MAPK10: variants seen among roughly 807,000 people sequenced by gnomAD.
MAPK10 encodes the protein JNK3 alpha protein kinase.
A neutral mutation model predicts 59.3 loss-of-function variants in MAPK10; 25 were observed. The ratio of observed to expected loss-of-function variants is 0.42; its 90% CI spans 0.31 to 0.59. The LOEUF (loss-of-function observed/expected upper bound fraction) is 0.59. Ranked by LOEUF, MAPK10 falls within the 20% of genes least tolerant of loss-of-function variation. MAPK10 has a pLI of 0.15. For synonymous variants in MAPK10, 190 were observed against 200.5 expected (o/e 0.95, Z 0.44); for missense variants, 351 against 568.9 (o/e 0.62, Z 3.90).
intron 4 of MAPK10, among the ~76,000 whole-genome samples, chr4:86,135,344 G>C (rs1050659500): frequency 2.6e-5 from 4 of 152,192 alleles, no homozygotes; most frequent in South Asian, 2.1e-4. Flanking sequence ...GATCTGAGAA[G>C]GGGCAGACTG....
At chr4:86,240,422 C>T (rs940492009) in intron 2 of MAPK10, among the ~76,000 whole-genome samples, 3 of 152,068 alleles carry the variant, frequency 2.0e-5, no homozygotes, top group Admixed American at 6.5e-5. Context: ...TCTGTCTCAT[C>T]GATCTGTCTA....
upstream of MAPK10, among the ~76,000 whole-genome samples, chr4:86,457,113 T>A (rs923544151): frequency 6.6e-6 from 1 of 152,170 alleles, no homozygotes; most frequent in African/African-American, 2.4e-5. Context: ...AGCATCCCTT[T>A]ATGATTAAAA....
chr4:86,097,137 CT>C (rs1376894683), intron 9 of MAPK10, among the ~76,000 whole-genome samples: 3 of 151,876 alleles, frequency 2.0e-5, no homozygotes, highest in African/African-American at 7.2e-5. Context: ...ATTTTACATG[CT>C]TTTAAAAATA....
At chr4:86,207,376 T>C (rs911308935) in intron 2 of MAPK10, among the ~76,000 whole-genome samples, 1 of 152,084 alleles carries the variant, frequency 6.6e-6, no homozygotes, top group Non-Finnish European at 1.5e-5. Context: ...GTGTTATTTC[T>C]GAGGGCTCTG....
chr4:86,191,221 G>A (rs2079672434), intron 3 of MAPK10, among the ~76,000 whole-genome samples: 1 of 152,156 alleles, frequency 6.6e-6, no homozygotes, highest in Non-Finnish European at 1.5e-5. Flanking sequence ...TGTATATTCT[G>A]CTGATTTGGG....
intron 2 of MAPK10, among the ~76,000 whole-genome samples, chr4:86,265,172 G>T (rs551743602): frequency 2.6e-4 from 40 of 152,092 alleles, no homozygotes; most frequent in Non-Finnish European, 4.7e-4. Context: ...TTTATATGGG[G>T]ATCCTGAGCC....
chr4:86,181,221 C>T (rs17011419), intron 3 of MAPK10, among the ~76,000 whole-genome samples: 133 of 151,838 alleles, frequency 8.8e-4, no homozygotes, highest in Non-Finnish European at 1.3e-3. Flanking sequence ...TGTATTGAAT[C>T]GATGAATGGT....
At chr4:86,431,449 A>T (rs1397551330) in intron 1 of MAPK10, among the ~76,000 whole-genome samples, 1 of 152,258 alleles carries the variant, frequency 6.6e-6, no homozygotes, top group Non-Finnish European at 1.5e-5. Flanking sequence ...ATCTGACAAA[A>T]CAGAATTTCT....
chr4:86,082,663 T>C (rs1010836454), intron 9 of MAPK10, among the ~76,000 whole-genome samples: 11 of 152,000 alleles, frequency 7.2e-5, no homozygotes, highest in African/African-American at 2.7e-4. Context: ...AGGCAAAGGG[T>C]AGATAACAAG....
chr4:86,326,533 C>G (rs1044136385), intron 2 of MAPK10: 1 of 152,078 alleles, frequency 6.6e-6, no homozygotes, highest in Non-Finnish European at 1.5e-5. Context: ...TCAACTCCCC[C>G]TAAATGCTGA....
intron 2 of MAPK10, among the ~76,000 whole-genome samples, chr4:86,241,546 T>C (rs1202382201): frequency 6.6e-6 from 1 of 152,120 alleles, no homozygotes; most frequent in Non-Finnish European, 1.5e-5. Context: ...TTTCTCTCTA[T>C]TCTTGTCTGC....
chr4:86,015,024 A>C lies in MAPK10; in HGVS notation c.*2204T>G, dbSNP rs1008057447. The C allele has an allele frequency of 5.3e-5, 8 of 152,000 alleles. No homozygotes were observed. Among genetic ancestry groups the C allele is most frequent in the Middle Eastern group, 3.4e-3 (1 of 294 alleles). 9.4% of individuals were successfully genotyped at this position (152,000 alleles called of 1,614,324 possible). ...AGAAGTTTTTAAAAAAAAAAAAAAA[A>C]AACAGGAATATGAAAGAGAGGGAGC... On this transcript the variant is annotated 3_prime_UTR_variant, in exon 14 of 14. Coordinates refer to ENST00000641462, the MANE Select transcript of MAPK10 (RefSeq NM_138982.4).
chr4:86,306,639 C>T (rs1013907327), intron 2 of MAPK10, among the ~76,000 whole-genome samples: 6 of 151,986 alleles, frequency 3.9e-5, no homozygotes, highest in African/African-American at 1.5e-4. Context: ...ACAAAATATA[C>T]ACTATAATAC....
At chr4:86,134,991 G>A (rs866251154) in intron 4 of MAPK10, among the ~76,000 whole-genome samples, 6 of 152,192 alleles carry the variant, frequency 3.9e-5, no homozygotes, top group Non-Finnish European at 8.8e-5. Context: ...CTTAAAAAAC[G>A]GCGCACCACG....
At chr4:86,283,266 A>T (rs2094883339) in intron 2 of MAPK10, among the ~76,000 whole-genome samples, 1 of 152,182 alleles carries the variant, frequency 6.6e-6, no homozygotes, top group South Asian at 2.1e-4. Context: ...ACATGAGAAG[A>T]CTGAATAAAA....
chr4:86,198,866 T>C (rs969130240), intron 2 of MAPK10, among the ~76,000 whole-genome samples: 1 of 151,392 alleles, frequency 6.6e-6, no homozygotes, highest in Non-Finnish European at 1.5e-5. Flanking sequence ...TCCTTAAAAA[T>C]CAAGAAGAAA....
intron 3 of MAPK10, chr4:86,192,180 C>A (rs1411615002): frequency 6.6e-6 from 1 of 152,190 alleles, no homozygotes; most frequent in Non-Finnish European, 1.5e-5. Flanking sequence ...GTAACCCAAC[C>A]TTTCTCTCTG....
intron 2 of MAPK10, among the ~76,000 whole-genome samples, chr4:86,237,819 A>T (rs1226725610): frequency 6.6e-6 from 1 of 152,008 alleles, no homozygotes; most frequent in Non-Finnish European, 1.5e-5. Context: ...ATGATAGTTT[A>T]TCTTGCTGTG....
chr4:86,193,382 A>G (rs1050262309), intron 3 of MAPK10: 1 of 152,254 alleles, frequency 6.6e-6, no homozygotes, highest in Non-Finnish European at 1.5e-5. Context: ...ACTCTGTCCC[A>G]GGGAGATAGG....
Sources: allele counts gnomAD v4.1 joint callset (sites outside exome capture counted in the v4.1 genomes callset), GRCh38; gene constraint gnomAD v4.1.1; transcripts MANE v1.5; gene names NCBI Gene and HGNC (gene_info 2026-07-23, HGNC 2026-07-21).